The following API5 variants were observed in gnomAD, a reference collection of about 807,000 sequenced individuals.
The protein encoded by API5 is FIF.
Under a neutral mutation model 71.9 loss-of-function variants are expected in API5, and 6 were observed. That is an observed-to-expected ratio of 0.08 (90% CI 0.05 to 0.16). The LOEUF is 0.16. Among genes scored for constraint, API5 ranks in the 10% least tolerant of loss-of-function variants. API5 has a pLI of 1.00. For synonymous variants in API5, 189 were observed against 221.3 expected, an observed-to-expected ratio of 0.85 and a Z score of 1.30; for missense variants, 332 against 612.8, an observed-to-expected ratio of 0.54 and a Z score of 4.84.
chr11:43,324,431 A>G (rs1200092134), intron 6 of API5, among the ~76,000 whole-genome samples: 2 of 152,082 alleles, frequency 1.3e-5, no homozygotes, highest in East Asian at 1.9e-4. Context: ...ATGTGCATAC[A>G]TTCATTTGAA....
chr11:43,332,769 A>G (rs1056397087), intron 11 of API5, among the ~76,000 whole-genome samples: 3 of 152,168 alleles, frequency 2.0e-5, no homozygotes, highest in Admixed American at 1.3e-4. Context: ...ATCATTGGCC[A>G]TCAGTGATAG....
chr11:43,315,012 G>C (rs927073303), intron 1 of API5, among the ~76,000 whole-genome samples: 3 of 152,174 alleles, frequency 2.0e-5, no homozygotes, highest in African/African-American at 7.2e-5. Context: ...TCAGTACTAA[G>C]TTTCCTGGCA....
At position 43,323,676 on chromosome 11, in the gene API5, A is replaced by G. The variant is rs770250344; in HGVS notation, c.750+40A>G. 1.8e-4 allele frequency: 275 copies of G among 1,558,826 alleles called. 1 individual carries two copies. The East Asian group carries it at 5.9e-3, about 33-fold the overall frequency. On this transcript the variant is annotated intron_variant, in intron 6 of 13. Coordinates refer to ENST00000531273, the MANE Select transcript of API5 (RefSeq NM_001142930.2). ...TTTACACACCCGGTATTAGCTATAT[A>G]TATATTTCCATAAATACTCACTTTA...
intron 10 of API5, 64 bp downstream of exon 10, chr11:43,330,122 T>A: frequency 2.3e-6 from 3 of 1,332,228 alleles, no homozygotes; most frequent in Non-Finnish European, 3.2e-6. Context: ...AGACTTGTGT[T>A]GGGAGTTTTT....
intron 4 of API5, among the ~76,000 whole-genome samples, chr11:43,321,767 A>G (rs992642353): frequency 5.9e-5 from 9 of 152,232 alleles, no homozygotes; most frequent in Non-Finnish European, 1.3e-4. Flanking sequence ...GTAATGATAA[A>G]AAAGGAAAGT....
intron 13 of API5, among the ~76,000 whole-genome samples, chr11:43,342,103 C>G (rs1855637258): frequency 6.6e-6 from 1 of 152,170 alleles, no homozygotes; most frequent in African/African-American, 2.4e-5. Context: ...TGTGAACGCA[C>G]CACTGCACTC....
intron 5 of API5, 47 bp downstream of exon 5, chr11:43,322,183 C>G: frequency 1.3e-6 from 2 of 1,521,244 alleles, no homozygotes; most frequent in Non-Finnish European, 1.8e-6. Context: ...AGCAAAAGAG[C>G]ATACTTGACA....
intron 13 of API5, 163 bp downstream of exon 13, chr11:43,336,157 C>A: frequency 1.1e-6 from 1 of 926,320 alleles, no homozygotes; most frequent in Non-Finnish European, 1.6e-6. Flanking sequence ...TTATCCCATT[C>A]CTCTCTCATT....
In API5 at chr11:43,312,031, T is replaced by C. The variant is rs5743211; in HGVS notation, c.-97T>C. The stretch of plus-strand genomic sequence containing the variant: ...GCTGCACTGGCGGCAGCTGGAGGTG[T>C]AATAGTGCGGGTAGTGGGTTTGGAG... On this transcript the variant is annotated 5_prime_UTR_variant, in exon 1 of 14. Coordinates refer to ENST00000531273, the MANE Select transcript of API5 (RefSeq NM_001142930.2). 485 of 1,376,476 alleles carry C rather than the reference T, an allele frequency of 3.5e-4. 2 individuals are homozygous for C. The African/African-American group carries it at 6.4e-3, about 18-fold the overall frequency. The allele number at this position is 1,376,476 out of a possible 1,614,324, so 85.3% of individuals were successfully genotyped here.
At chr11:43,333,724 T>G (rs1263063388) in intron 11 of API5, among the ~76,000 whole-genome samples, 2 of 152,188 alleles carry the variant, frequency 1.3e-5, no homozygotes, top group Non-Finnish European at 1.5e-5. Context: ...CACAGTGGTC[T>G]CTATCTCCCT....
chr11:43,323,509 G>A lies in API5; in HGVS notation c.623G>A (p.Ser208Asn). ...LSGLKSLQTV[S>N]GRQQLVELVA... is the part of the protein sequence containing the mutation. The stretch of plus-strand genomic sequence containing the variant: ...GGGTTAAAAAGCTTACAGACAGTGA[G>A]TGGAAGACAGCAACTTGTAGAGTTG... The change falls in exon 6 of 14, where the codon AGT becomes AAT. Residue 208 changes from serine (S) to asparagine (N), a missense_variant. Ser to Asn is a conservative substitution (Grantham distance 46). Coordinates refer to ENST00000531273, the MANE Select transcript of API5 (RefSeq NM_001142930.2). 6.2e-7 allele frequency: 1 copy of A among 1,614,144 alleles called. No individual in the cohort carries two copies. Among genetic ancestry groups the A allele is most frequent in the Non-Finnish European group, 8.5e-7 (1 of 1,180,000 alleles).
chr11:43,342,809 T>C lies in API5; in HGVS notation c.*299T>C. ...ATCTTGATAATTTGTTGTTGAGAGC[T>C]GTTCATTCTAAAATGTAATGAAATT... On this transcript the variant is annotated 3_prime_UTR_variant, in exon 14 of 14. Transcript: ENST00000531273. 5.1e-6 allele frequency: 3 copies of C among 588,184 alleles called. No individual in the cohort carries two copies. Among genetic ancestry groups the C allele is most frequent in the Non-Finnish European group, 9.0e-6 (3 of 332,048 alleles). 36.4% of individuals were successfully genotyped at this position (588,184 alleles called of 1,614,324 possible). A position where few individuals can be genotyped will look rare whatever the true frequency, so the allele number is the denominator to read the frequency against.
rs542417073 is a variant in API5, at chr11:43,314,961, G to C, written c.69+2765G>C. ...AAACCGTGTTCATGTTCTTGATGTA[G>C]CAAAGCCTGATTTTCATGTCAACTT... On this transcript the variant is annotated intron_variant, in intron 1 of 13. Coordinates refer to ENST00000531273, the MANE Select transcript of API5 (RefSeq NM_001142930.2). Among the ~76,000 whole-genome samples the C allele has an allele frequency of 6.5e-4, 99 of 152,278 alleles. 1 individual carries two copies. The highest frequency in any genetic ancestry group is 2.1e-3 in the African/African-American group (89 of 41,548).
intron 8 of API5, among the ~76,000 whole-genome samples, chr11:43,328,410 A>G (rs563978689): frequency 1.4e-4 from 22 of 152,224 alleles, no homozygotes; most frequent in Non-Finnish European, 2.8e-4. Flanking sequence ...CTTTGTTACC[A>G]TGGGAAGGTT....
chr11:43,321,258 A>G (rs1854880814), intron 3 of API5, among the ~76,000 whole-genome samples, 153 bp from the exon 4 acceptor site: 1 of 152,220 alleles, frequency 6.6e-6, no homozygotes, highest in South Asian at 2.1e-4. Flanking sequence ...CTTACAAGGA[A>G]CACGTATCTT....
chr11:43,334,345 T>G (rs1337002099), intron 11 of API5, among the ~76,000 whole-genome samples: 1 of 152,174 alleles, frequency 6.6e-6, no homozygotes. Flanking sequence ...CCGTTTCCTC[T>G]TCATGTGGTC....
In API5 at chr11:43,312,011, A is replaced by C. The variant is rs911274608; in HGVS notation, c.-117A>C. Reference sequence around the variant, plus strand: ...GCTGTGCGCGGTGACTGGCGGCTGCACTGGCGGCAGCTGGAGGTGTAATAG... The same window carrying C: ...GCTGTGCGCGGTGACTGGCGGCTGCCCTGGCGGCAGCTGGAGGTGTAATAG... On this transcript the variant is annotated 5_prime_UTR_variant, in exon 1 of 14. Coordinates refer to ENST00000531273, the MANE Select transcript of API5 (RefSeq NM_001142930.2). 7.7e-6 allele frequency: 9 copies of C among 1,168,506 alleles called. No individual in the cohort carries two copies. The highest frequency in any genetic ancestry group is 3.1e-5 in the African/African-American group (2 of 65,420). 72.4% of individuals were successfully genotyped at this position (1,168,506 alleles called of 1,614,324 possible).
intron 6 of API5, among the ~76,000 whole-genome samples, chr11:43,325,567 T>C (rs1855043554): frequency 2.0e-5 from 3 of 152,272 alleles, no homozygotes; most frequent in East Asian, 1.9e-4. Flanking sequence ...GACTGAAAAA[T>C]TGAAGTTTAA....
intron 11 of API5, among the ~76,000 whole-genome samples, chr11:43,334,992 G>A (rs1855382677): frequency 6.6e-6 from 1 of 152,094 alleles, no homozygotes; most frequent in Non-Finnish European, 1.5e-5. Context: ...CTTATTTGCT[G>A]ACTTTGTTTA....
Sources: gnomAD v4.1 joint callset for allele counts (sites outside exome capture counted in the v4.1 genomes callset) on GRCh38, gnomAD v4.1.1 for gene constraint, MANE v1.5 for transcripts, NCBI Gene and HGNC (gene_info 2026-07-23, HGNC 2026-07-21) for gene names.